SLC35E2B: variants seen among roughly 807,000 people sequenced by gnomAD.
SLC35E2B encodes solute carrier family 35, member E2B.
Under a neutral mutation model 32.4 loss-of-function variants are expected in SLC35E2B, and 18 were observed. That is an observed-to-expected ratio of 0.56 (90% CI 0.38 to 0.82). The LOEUF (loss-of-function observed/expected upper bound fraction) is 0.82. Among genes scored for constraint, SLC35E2B ranks in the 40% least tolerant of loss-of-function variants. The probability of loss-of-function intolerance (pLI) is 0.00; values close to 1 mark genes in which losing one functional copy is unlikely to be tolerated. For missense variants in SLC35E2B, 263 were observed against 469.5 expected (o/e 0.56, Z 4.06); for synonymous variants, 132 against 209.1 (o/e 0.63, Z 3.18).
At chr1:1,683,402 T>G (rs987306771) in intron 2 of SLC35E2B, among the ~76,000 whole-genome samples, 1 of 152,144 alleles carries the variant, frequency 6.6e-6, no homozygotes, top group African/African-American at 2.4e-5. Flanking sequence ...TCAATGAGTT[T>G]GACAGGACTG....
intron 5 of SLC35E2B, chr1:1,672,063 C>G (rs956918743): frequency 6.5e-6 from 1 of 153,934 alleles, no homozygotes. Flanking sequence ...AAAACTTTTA[C>G]GTGAAGGATT....
Position 1,665,647 on chromosome 1 carries a change from C to T in SLC35E2B, c.*135G>A, listed in dbSNP as rs564174168. 510 of 1,374,032 alleles carry T rather than the reference C, an allele frequency of 3.7e-4. 5 individuals carry two copies. In the East Asian group the frequency reaches 8.1e-3, roughly 22 times the overall value. The allele number at this position is 1,374,032 out of a possible 1,614,324, so 85.1% of individuals were successfully genotyped here. ...TTTCTGCTGGTCTTCACCGACAAAC[C>T]GAGAAAGCCGCAGGCAATGGCCAAC... On this transcript the variant is annotated 3_prime_UTR_variant, in exon 10 of 10. Coordinates refer to ENST00000617444, the MANE Select transcript of SLC35E2B (RefSeq NM_001290264.2).
In SLC35E2B at chr1:1,675,604, A is replaced by C. The variant is rs1438742258; in HGVS notation, c.459-14T>G. The C allele has an allele frequency of 8.5e-6, 13 of 1,529,266 alleles. 1 individual carries two copies. In the African/African-American group the frequency reaches 1.8e-4, roughly 21 times the overall value. 94.7% of individuals were successfully genotyped at this position (1,529,266 alleles called of 1,614,324 possible). On this transcript the variant is annotated splice_polypyrimidine_tract_variant and intron_variant, in intron 4 of 9. Coordinates refer to ENST00000617444, the MANE Select transcript of SLC35E2B (RefSeq NM_001290264.2). ...ACAGTTGCAAACCTAAAAATGAGCC[A>C]AAAGCACCATCACCTTAGAACGAGT...
rs142928022 is a variant in SLC35E2B, at chr1:1,682,522, CACAG to C, written c.-147-5680_-147-5677del. Among the ~76,000 whole-genome samples, 70 of 152,264 alleles carry C rather than the reference CACAG, an allele frequency of 4.6e-4. 1 individual carries two copies. The East Asian group carries it at 0.012, about 27-fold the overall frequency. On this transcript the variant is annotated intron_variant, in intron 2 of 9. Transcript: ENST00000617444. Reference sequence around the variant, plus strand: ...AGCGGGGGAAGACTGAGGGACGAATCACAGACAGAAACGCACGACTCGGCTCCAC... The same window carrying C: ...AGCGGGGGAAGACTGAGGGACGAATCACAGAAACGCACGACTCGGCTCCAC...
chr1:1,684,126 G>A (rs1001976821), intron 2 of SLC35E2B, among the ~76,000 whole-genome samples: 4 of 152,128 alleles, frequency 2.6e-5, no homozygotes, highest in Non-Finnish European at 4.4e-5. Context: ...GTCGTGAGAC[G>A]CTTGCCCCAG....
At chr1:1,669,891 C>T (rs779986107) in intron 7 of SLC35E2B, 155 bp from the exon 8 acceptor site, 19 of 906,156 alleles carry the variant, frequency 2.1e-5, no homozygotes, top group Admixed American at 2.0e-4. Context: ...GAAATGAAAA[C>T]GCAAACGCAC....
chr1:1,679,598 G>A (rs1011758811), intron 2 of SLC35E2B, among the ~76,000 whole-genome samples: 3 of 151,862 alleles, frequency 2.0e-5, no homozygotes, highest in African/African-American at 4.8e-5. Flanking sequence ...AGGCCAAGGT[G>A]GGCGGATCAC....
chr1:1,666,205 G>A (rs565611101), intron 9 of SLC35E2B, among the ~76,000 whole-genome samples, 186 bp from the exon 10 acceptor site: 33 of 152,312 alleles, frequency 2.2e-4, no homozygotes, highest in South Asian at 8.3e-4. Flanking sequence ...TGGGGCGGGG[G>A]TGCTCAACGG....
chr1:1,675,452 G>A lies in SLC35E2B; in HGVS notation c.586+11C>T, dbSNP rs781667949. On this transcript the variant is annotated intron_variant, in intron 5 of 9. Transcript: ENST00000617444. ...GGGCGCAGGCGGAGGGGCGGGGCCC[G>A]GGGGCCTCACCTGTGTACTCCCCCA... The A allele has an allele frequency of 1.1e-5, 18 of 1,611,200 alleles. 1 individual carries two copies. Among genetic ancestry groups the A allele is most frequent in the Middle Eastern group, 1.7e-4 (1 of 6,058 alleles).
chr1:1,668,058 A>G (rs1383570788), intron 9 of SLC35E2B, among the ~76,000 whole-genome samples: 18 of 152,116 alleles, frequency 1.2e-4, no homozygotes, highest in East Asian at 1.2e-3. Context: ...TCACCATGTT[A>G]GCCAGGCTGG....
rs1449776529 is a variant in SLC35E2B at position 1,671,544 on chromosome 1, C to T, written c.672G>A (p.Gly224=). 3 of 1,549,308 alleles carry T rather than the reference C, an allele frequency of 1.9e-6. No homozygotes were observed. The highest frequency in any genetic ancestry group is 8.7e-7 in the Non-Finnish European group (1 of 1,146,008). The part of the protein sequence containing the change: ...TATEISFNVL[G]FSAALSTNIM... ...TGTTGGTGGACAGTGCGGCCGAGAA[C>T]CCCAGGACATTGAAGCTGATCTCAG... Residue 224 remains glycine (G), a synonymous_variant, in exon 6 of 10, where the codon GGG becomes GGA. Coordinates refer to ENST00000617444, the MANE Select transcript of SLC35E2B (RefSeq NM_001290264.2).
At chr1:1,691,664 C>G (rs1337677211) in intron 1 of SLC35E2B, among the ~76,000 whole-genome samples, 2 of 147,826 alleles carry the variant, frequency 1.4e-5, no homozygotes, top group Admixed American at 6.6e-5. Context: ...CAGACCTCCC[C>G]CTGGGAGTTC....
At chr1:1,669,972 A>C in intron 7 of SLC35E2B, 126 bp downstream of exon 7, 1 of 939,618 alleles carries the variant, frequency 1.1e-6, no homozygotes, top group South Asian at 1.5e-5. Flanking sequence ...TAGACAGGGT[A>C]CTTGTAAAGG....
rs186677805 is a variant in SLC35E2B, at chr1:1,684,529, C to T, written c.-148+6447G>A. On this transcript the variant is annotated intron_variant, in intron 2 of 9. Transcript: ENST00000617444. The stretch of plus-strand genomic sequence containing the variant: ...CCAGGAGGCTGGGCACAGTGGCTCA[C>T]GCCTGTCATCCCAGCACTGTGGGAG... Among the ~76,000 whole-genome samples the T allele has an allele frequency of 3.6e-3, 543 of 152,220 alleles. 6 individuals carry two copies. Among genetic ancestry groups the T allele is most frequent in the African/African-American group, 0.012 (502 of 41,524 alleles).
intron 2 of SLC35E2B, among the ~76,000 whole-genome samples, chr1:1,686,321 C>CTT (rs375495225): frequency 2.1e-4 from 27 of 127,788 alleles, no homozygotes; most frequent in Admixed American, 3.3e-4. Context: ...CTTTTTTTTT[C>CTT]TTTTTTTTTT....
rs1252482025 is a variant in SLC35E2B, at chr1:1,665,802, C to T, written c.1198G>A (p.Asp400Asn). The stretch of plus-strand genomic sequence containing the variant: ...TGCTCTCAGGGATGCTGCCTGGGGT[C>T]CTGTGGAAGCAGCGGCTCCACTGTG... ...DDTVEPLLPQDPRQHP is the reference protein window; with the variant it reads ...DDTVEPLLPQNPRQHP Residue 400 changes from aspartate (D) to asparagine (N), a missense_variant, in exon 10 of 10, where the codon GAC becomes AAC. Asp to Asn is a conservative substitution (Grantham distance 23, BLOSUM62 1). Around this residue, in one of 7 missense-constraint regions of SLC35E2B, gnomAD observed 78 missense variants for 71.1 expected, o/e 1.10. Coordinates refer to ENST00000617444, the MANE Select transcript of SLC35E2B (RefSeq NM_001290264.2). The T allele has an allele frequency of 1.9e-6, 3 of 1,550,824 alleles. No individual in the cohort carries two copies. The highest frequency in any genetic ancestry group is 1.7e-4 in the Middle Eastern group (1 of 5,892).
Position 1,662,966 on chromosome 1 carries a change from A to T in SLC35E2B, c.*2816T>A. 1.1e-6 allele frequency: 1 copy of T among 928,812 alleles called. No individual in the cohort carries two copies. The highest frequency in any genetic ancestry group is 4.8e-5 in the South Asian group (1 of 20,666). The allele number at this position is 928,812 out of a possible 1,614,324, so 57.5% of individuals were successfully genotyped here. On this transcript the variant is annotated 3_prime_UTR_variant, in exon 10 of 10. Coordinates refer to ENST00000617444, the MANE Select transcript of SLC35E2B (RefSeq NM_001290264.2). The stretch of plus-strand genomic sequence containing the variant: ...GTCTGTACAATCGTTAACACGGCCA[A>T]GCCAGGCCTTGGGTTTTGCCTCTTG...
intron 6 of SLC35E2B, 91 bp downstream of exon 6, chr1:1,671,418 G>C: frequency 7.8e-7 from 1 of 1,281,290 alleles, no homozygotes; most frequent in Non-Finnish European, 1.0e-6. Flanking sequence ...GCTCACGGGA[G>C]GAATTCTCAG....
chr1:1,664,001 G>C lies in SLC35E2B; in HGVS notation c.*1781C>G, dbSNP rs1327812214. 4.0e-6 allele frequency: 1 copy of C among 248,182 alleles called. No homozygotes were observed. Among genetic ancestry groups the C allele is most frequent in the African/African-American group, 2.3e-5 (1 of 43,614 alleles). The allele number at this position is 248,182 out of a possible 1,614,324, so 15.4% of individuals were successfully genotyped here. On this transcript the variant is annotated 3_prime_UTR_variant, in exon 10 of 10. Transcript: ENST00000617444. ...AGCCGAGGAGTTCAAGACCAGCCTG[G>C]GCAACAAAGCGAGAGCCCAGCTCAA...
Sources: allele counts gnomAD v4.1 joint callset (sites outside exome capture counted in the v4.1 genomes callset), GRCh38; gene constraint gnomAD v4.1.1; regional missense constraint gnomAD v4.1.1; transcripts MANE v1.5; gene names NCBI Gene and HGNC (gene_info 2026-07-23, HGNC 2026-07-21).